The following PTPRS variants were observed in gnomAD, a reference collection of about 807,000 sequenced individuals.
PTPRS encodes protein tyrosine phosphatase receptor type S.
In PTPRS, 63 loss-of-function variants were observed where a neutral mutation model predicts 215.3. The observed-to-expected ratio is 0.29, with a 90% confidence interval of 0.24 to 0.36. PTPRS has a LOEUF of 0.36. Among genes scored for constraint, PTPRS ranks in the 10% least tolerant of loss-of-function variants. The pLI, the probability that PTPRS is intolerant of heterozygous loss-of-function variation, is 1.00. For synonymous variants in PTPRS, 1,404 were observed against 1,191.4 expected (o/e 1.18, Z -3.68); for missense variants, 2,258 against 2,825.8 (o/e 0.80, Z 4.56).
intron 5 of PTPRS, among the ~76,000 whole-genome samples, chr19:5,263,845 G>A (rs929845174): frequency 3.3e-5 from 5 of 152,214 alleles, no homozygotes; most frequent in South Asian, 4.1e-4. Flanking sequence ...TGCTCCGGGC[G>A]GGGGAAGGGA....
chr19:5,291,782 C>T (rs1447251707), intron 1 of PTPRS, among the ~76,000 whole-genome samples: 1 of 152,002 alleles, frequency 6.6e-6, no homozygotes, highest in Non-Finnish European at 1.5e-5. Flanking sequence ...CTCTAAAACC[C>T]TCCATGGCTC....
intron 1 of PTPRS, among the ~76,000 whole-genome samples, chr19:5,288,001 C>T (rs1014928899): frequency 1.4e-4 from 19 of 139,492 alleles, no homozygotes; most frequent in Non-Finnish European, 2.5e-4. Flanking sequence ...CACACACACA[C>T]ACACACACAA....
chr19:5,273,638 C>T, intron 3 of PTPRS, 55 bp from the exon 4 acceptor site: 1 of 1,605,738 alleles, frequency 6.2e-7, no homozygotes, highest in Non-Finnish European at 8.5e-7. Flanking sequence ...CAGGAAGGTT[C>T]CTGTCTAGGC....
chr19:5,309,877 A>C (rs577124861), intron 1 of PTPRS, among the ~76,000 whole-genome samples: 5 of 143,324 alleles, frequency 3.5e-5, no homozygotes, highest in South Asian at 2.9e-4. Flanking sequence ...CTCATCCCCC[A>C]CAGTCTGTCC....
In PTPRS at chr19:5,293,165, G is replaced by C. The variant is rs1217486753; in HGVS notation, c.-94-6931C>G. Reference sequence around the variant, plus strand: ...CCCCGCGGCTCGGAGATCGGGCCCAGGCCCCGCGAGGCCTCCACAGGGCCC... The same window carrying C: ...CCCCGCGGCTCGGAGATCGGGCCCACGCCCCGCGAGGCCTCCACAGGGCCC... On this transcript the variant is annotated intron_variant, in intron 1 of 37. Transcript: ENST00000262963. This position sits in a 1 kb window ranked among gnomAD's most constrained non-coding sequence, Gnocchi z 8.4. The C allele has an allele frequency of 1.3e-5, 2 of 151,606 alleles. No homozygotes were observed. The highest frequency in any genetic ancestry group is 4.8e-5 in the African/African-American group (2 of 41,338). The allele number at this position is 151,606 out of a possible 1,614,324, so 9.4% of individuals were successfully genotyped here.
chr19:5,330,769 C>T (rs530090028), intron 1 of PTPRS, among the ~76,000 whole-genome samples: 18 of 152,278 alleles, frequency 1.2e-4, no homozygotes, highest in African/African-American at 4.1e-4. Context: ...ATGCCCTTCC[C>T]CAGCAGGGCC....
chr19:5,257,606 C>T lies in PTPRS; in HGVS notation c.706+411G>A, dbSNP rs1215819819. ...AGTTGGGAGAAGCAAAGCCAGCACA[C>T]AGCACGGGAAGGCACGACACACCAC... On this transcript the variant is annotated intron_variant, in intron 8 of 37. Transcript: ENST00000262963. This position sits in a 1 kb window ranked among gnomAD's most constrained non-coding sequence, Gnocchi z 4.4. Among the ~76,000 whole-genome samples, 1 of 152,122 alleles carries T rather than the reference C, an allele frequency of 6.6e-6. No individual in the cohort carries two copies. The highest frequency in any genetic ancestry group is 6.5e-5 in the Admixed American group (1 of 15,282).
At chr19:5,322,940 C>G (rs76094810) in intron 1 of PTPRS, among the ~76,000 whole-genome samples, 20,488 of 149,638 alleles carry the variant, frequency 0.14, 1,592 homozygotes, top group Admixed American at 0.24. Flanking sequence ...AGACCTCATG[C>G]ATTTCAGAGC....
At chr19:5,340,342 A>AGCTTCCAATGCCGCGCTCTGGGC (rs1164610722) in intron 1 of PTPRS, among the ~76,000 whole-genome samples, 1 of 150,340 alleles carries the variant, frequency 6.7e-6, no homozygotes, top group Admixed American at 6.6e-5. Context: ...GGCGCTGGGC[A>AGCTTCCAATGCCGCGCTCTGGGC]GCTTCCAATG....
At chr19:5,246,548 G>T (rs896146022) in intron 9 of PTPRS, among the ~76,000 whole-genome samples, 3 of 152,208 alleles carry the variant, frequency 2.0e-5, no homozygotes, top group African/African-American at 7.2e-5. Flanking sequence ...GGGAGCGCTG[G>T]AAGATTCTGG....
At chr19:5,209,629 C>G (rs1021713022) in intron 35 of PTPRS, among the ~76,000 whole-genome samples, 1 of 152,152 alleles carries the variant, frequency 6.6e-6, no homozygotes, top group Admixed American at 6.5e-5. Flanking sequence ...TTTCTCCACC[C>G]CCTGCTGGCC....
At chr19:5,243,838 G>A (rs1178121151) in intron 11 of PTPRS, 63 bp downstream of exon 11, 12 of 1,338,418 alleles carry the variant, frequency 9.0e-6, no homozygotes, top group East Asian at 2.6e-5. Flanking sequence ...CGGCTTCCAG[G>A]GAGCATGCAA....
At position 5,223,018 on chromosome 19, in the gene PTPRS, T is replaced by G; in HGVS notation, c.2774A>C (p.Glu925Ala). The G allele has an allele frequency of 3.9e-6, 6 of 1,544,438 alleles. No individual in the cohort carries two copies. Among genetic ancestry groups the G allele is most frequent in the Non-Finnish European group, 5.2e-6 (6 of 1,147,084 alleles). Reference sequence around the variant, plus strand: ...CTGCGGGTGGCCACGGGGCGTGTCCTCCGGGATGCTCAGGACCTCGGCTGC... The same window carrying G: ...CTGCGGGTGGCCACGGGGCGTGTCCGCCGGGATGCTCAGGACCTCGGCTGC... The part of the protein sequence containing the change: ...EEAAEVLSIP[E>A]DTPRGHPQIL... Residue 925 changes from glutamate to alanine, a missense_variant, in exon 18 of 38, where the codon GAG becomes GCG. By Grantham distance (107) the Glu-to-Ala change is moderately radical. Transcript: ENST00000262963.
intron 1 of PTPRS, among the ~76,000 whole-genome samples, chr19:5,305,766 T>TATATATATATA (rs372468377): frequency 1.8e-5 from 2 of 109,754 alleles, no homozygotes; most frequent in Admixed American, 9.3e-5. Flanking sequence ...TATATATATA[T>TATATATATATA]TTTTTTTTTA....
rs548746923 is a variant in PTPRS, at chr19:5,245,888, G to A, written c.876C>T (p.Pro292=). The A allele has an allele frequency of 2.8e-5, 45 of 1,614,036 alleles. No homozygotes were observed. Among genetic ancestry groups the A allele is most frequent in the East Asian group, 1.8e-4 (8 of 44,870 alleles). Reference sequence around the variant, plus strand: ...TGAGTTCCAGCACGTTCCGACCCACGGGCATGTCATCCTCGGGGGTCAGGT... The same window carrying A: ...TGAGTTCCAGCACGTTCCGACCCACAGGCATGTCATCCTCGGGGGTCAGGT... The part of the protein sequence containing the change: ...AEDLTPEDDM[P]VGRNVLELTD... The change falls in exon 10 of 38, where the codon CCC becomes CCT. Residue 292 remains proline (P), a synonymous_variant. Transcript: ENST00000262963.
chr19:5,223,413 G>A (rs2145428917), intron 17 of PTPRS, 116 bp from the exon 18 acceptor site: 2 of 1,263,140 alleles, frequency 1.6e-6, no homozygotes, highest in East Asian at 6.0e-5. Flanking sequence ...TTGAGTTGGG[G>A]GGGGTCTTAC....
chr19:5,207,835 G>C, intron 37 of PTPRS, 87 bp downstream of exon 37: 3 of 1,558,226 alleles, frequency 1.9e-6, no homozygotes, highest in Non-Finnish European at 2.6e-6. Flanking sequence ...CCAGGTGGCT[G>C]TACCCATCTC....
At chr19:5,273,699 G>A (rs1377256140) in intron 3 of PTPRS, 116 bp from the exon 4 acceptor site, 2 of 1,284,174 alleles carry the variant, frequency 1.6e-6, no homozygotes, top group Non-Finnish European at 2.1e-6. Context: ...TGATCCTGGG[G>A]GTGACTGGGA....
chr19:5,303,557 C>T (rs2049370153), intron 1 of PTPRS, among the ~76,000 whole-genome samples: 1 of 151,726 alleles, frequency 6.6e-6, no homozygotes, highest in South Asian at 2.1e-4. Context: ...GAGGTGGGAA[C>T]GAACACACTA....
Sources: allele counts gnomAD v4.1 joint callset (sites outside exome capture counted in the v4.1 genomes callset), GRCh38; gene constraint gnomAD v4.1.1; non-coding constraint Gnocchi (gnomAD v3.1); transcripts MANE v1.5; gene names NCBI Gene and HGNC (gene_info 2026-07-23, HGNC 2026-07-21).